The following ANKRD17 variants were observed in gnomAD, a reference collection of about 807,000 sequenced individuals.
The protein encoded by ANKRD17 is ankyrin repeat domain 17.
A neutral mutation model predicts 229.7 loss-of-function variants in ANKRD17; 19 were observed. The ratio of observed to expected loss-of-function variants is 0.08; its 90% CI spans 0.06 to 0.12. The LOEUF is 0.12. Among genes scored for constraint, ANKRD17 ranks in the 10% least tolerant of loss-of-function variants. ANKRD17 has a pLI of 1.00. For missense variants in ANKRD17, 2,176 were observed against 3,176.8 expected (o/e 0.68, Z 7.57); for synonymous variants, 1,112 against 1,146.1 (o/e 0.97, Z 0.60).
At position 73,125,292 on chromosome 4, in the gene ANKRD17, C is replaced by T. The variant is rs369625960; in HGVS notation, c.3255G>A (p.Thr1085=). The T allele has an allele frequency of 2.3e-5, 37 of 1,610,738 alleles. No homozygotes were observed. The highest frequency in any genetic ancestry group is 1.7e-4 in the Middle Eastern group (1 of 6,052). The change falls in exon 17 of 34, where the codon ACG becomes ACA. Residue 1085 remains threonine, a synonymous_variant. Transcript: ENST00000358602. ...CACCAGCACAGGCAAGTGTTAGTGC[C>T]GTGTCATGATTACTCTCAGTCTATA... The part of the protein sequence containing the change: ...IDAQTESNHD[T]ALTLACAGGH...
intron 14 of ANKRD17, among the ~76,000 whole-genome samples, chr4:73,141,226 A>C (rs1729564857): frequency 6.6e-6 from 1 of 152,256 alleles, no homozygotes; most frequent in South Asian, 2.1e-4. Context: ...CACATGGTGT[A>C]ACATACACAA....
At chr4:73,200,847 C>G (rs1166569230) in intron 1 of ANKRD17, among the ~76,000 whole-genome samples, 1 of 152,032 alleles carries the variant, frequency 6.6e-6, no homozygotes, top group African/African-American at 2.4e-5. Flanking sequence ...TGTAATCAGT[C>G]ATTTCCCTCC....
Position 73,155,783 on chromosome 4 carries a change from TGA to T in ANKRD17, c.853-7_853-6del. 6.2e-7 allele frequency: 1 copy of T among 1,612,562 alleles called. No individual in the cohort carries two copies. The highest frequency in any genetic ancestry group is 8.5e-7 in the Non-Finnish European group (1 of 1,179,242). ...TGCATGCATTGCCAACAAAACCTTA[TGA>T]GAGAAAAATAGTTTAAAAAGATATT... is the stretch of plus-strand genomic sequence containing the variant. On this transcript the variant is annotated splice_region_variant and splice_polypyrimidine_tract_variant and intron_variant, in intron 4 of 33. Coordinates refer to ENST00000358602, the MANE Select transcript of ANKRD17 (RefSeq NM_032217.5).
intron 22 of ANKRD17, among the ~76,000 whole-genome samples, chr4:73,118,161 C>T (rs995455952): frequency 1.3e-5 from 2 of 152,034 alleles, no homozygotes; most frequent in African/African-American, 4.8e-5. Context: ...GGACTATTAG[C>T]ACATGTCACC....
At chr4:73,108,219 A>G (rs952484876) in intron 24 of ANKRD17, among the ~76,000 whole-genome samples, 2 of 152,178 alleles carry the variant, frequency 1.3e-5, no homozygotes, top group African/African-American at 4.8e-5. Context: ...CCTGAGCAAT[A>G]AGAGTTGTGG....
chr4:73,172,304 T>A (rs888809588), intron 2 of ANKRD17, among the ~76,000 whole-genome samples: 1 of 152,152 alleles, frequency 6.6e-6, no homozygotes, highest in Non-Finnish European at 1.5e-5. Context: ...TTTTATCCTA[T>A]AATAGTACAT....
chr4:73,085,744 G>GA (rs1376849511), intron 29 of ANKRD17, among the ~76,000 whole-genome samples: 1 of 150,162 alleles, frequency 6.7e-6, no homozygotes, highest in Non-Finnish European at 1.5e-5. Context: ...TCCCAGGCAT[G>GA]AATCTCACTT....
At chr4:73,115,208 G>A (rs187193726) in intron 23 of ANKRD17, among the ~76,000 whole-genome samples, 1 of 152,204 alleles carries the variant, frequency 6.6e-6, no homozygotes, top group East Asian at 1.9e-4. Flanking sequence ...CATATACAGA[G>A]GACAGCCCTA....
At chr4:73,161,985 G>A (rs1016673889) in intron 2 of ANKRD17, among the ~76,000 whole-genome samples, 8 of 151,084 alleles carry the variant, frequency 5.3e-5, no homozygotes, top group East Asian at 1.9e-4. Flanking sequence ...CAAGTGATCC[G>A]CCCAACTCAG....
At chr4:73,146,947 C>T (rs1730364040) in intron 9 of ANKRD17, 74 bp from the exon 10 acceptor site, 3 of 1,244,556 alleles carry the variant, frequency 2.4e-6, no homozygotes, top group Non-Finnish European at 3.4e-6. Flanking sequence ...ATAAAAACTT[C>T]TTCTAGATAA....
intron 33 of ANKRD17, 69 bp downstream of exon 33, chr4:73,076,871 T>G: frequency 6.6e-7 from 1 of 1,512,548 alleles, no homozygotes; most frequent in South Asian, 1.3e-5. Context: ...ATGAGTTACC[T>G]GAATCCTATT....
At chr4:73,237,562 A>G (rs1472589847) in intron 1 of ANKRD17, among the ~76,000 whole-genome samples, 1 of 152,202 alleles carries the variant, frequency 6.6e-6, no homozygotes, top group Non-Finnish European at 1.5e-5. Flanking sequence ...AAAGGAAGAA[A>G]AGGTACAAGT....
At chr4:73,107,761 A>G (rs955457872) in intron 24 of ANKRD17, among the ~76,000 whole-genome samples, 5 of 152,202 alleles carry the variant, frequency 3.3e-5, no homozygotes, top group African/African-American at 1.2e-4. Context: ...GGGGAACAGT[A>G]TCAGGAGGCT....
At chr4:73,093,056 G>A (rs1437048601) in intron 28 of ANKRD17, among the ~76,000 whole-genome samples, 4 of 152,164 alleles carry the variant, frequency 2.6e-5, no homozygotes, top group African/African-American at 4.8e-5. Context: ...GGGAAAACCA[G>A]TCAGAAGGAG....
intron 22 of ANKRD17, 56 bp from the exon 23 acceptor site, chr4:73,115,972 C>T: frequency 7.0e-7 from 1 of 1,434,968 alleles, no homozygotes; most frequent in East Asian, 2.3e-5. Flanking sequence ...TTCAGTAAAT[C>T]TATGCCTGAA....
intron 2 of ANKRD17, 73 bp from the exon 3 acceptor site, chr4:73,161,421 G>C: frequency 6.8e-7 from 1 of 1,478,424 alleles, no homozygotes; most frequent in Non-Finnish European, 9.3e-7. Context: ...GTTACTTAAA[G>C]CTATACTGTG....
At chr4:73,199,902 A>T (rs1038739803) in intron 1 of ANKRD17, among the ~76,000 whole-genome samples, 2 of 152,218 alleles carry the variant, frequency 1.3e-5, no homozygotes, top group African/African-American at 4.8e-5. Flanking sequence ...AAATGCTAAA[A>T]GTGCTCTTAT....
rs114559418 is a variant in ANKRD17, at chr4:73,199,203, C to T, written c.394-21670G>A. On this transcript the variant is annotated intron_variant, in intron 1 of 33. Coordinates refer to ENST00000358602, the MANE Select transcript of ANKRD17 (RefSeq NM_032217.5). The stretch of plus-strand genomic sequence containing the variant: ...TCAGAACTGCTACCCTAACAGGCTG[C>T]GAAAACATACAGTTTGGCTGTGTGT... 3.1e-3 allele frequency among the ~76,000 whole-genome samples: 450 copies of T among 146,734 alleles called. 1 individual carries two copies. The highest frequency in any genetic ancestry group is 7.0e-3 in the Middle Eastern group (2 of 286).
intron 1 of ANKRD17, among the ~76,000 whole-genome samples, chr4:73,221,920 T>C (rs938511324): frequency 5.9e-5 from 9 of 152,266 alleles, no homozygotes; most frequent in South Asian, 2.1e-4. Context: ...AAAATACTCA[T>C]TGATCATGCA....
Sources: allele counts gnomAD v4.1 joint callset (sites outside exome capture counted in the v4.1 genomes callset), GRCh38; gene constraint gnomAD v4.1.1; transcripts MANE v1.5; gene names NCBI Gene and HGNC (gene_info 2026-07-23, HGNC 2026-07-21).